Variants in AUTS2 observed in about 807,000 individuals in gnomAD.
AUTS2 encodes activator of transcription and developmental regulator AUTS2, also known as autism susceptibility gene 2 protein.
Under a neutral mutation model 112.4 loss-of-function variants are expected in AUTS2, and 17 were observed. The observed-to-expected ratio is 0.15, with a 90% CI of 0.10 to 0.23. The LOEUF is 0.23. Among genes scored for constraint, AUTS2 ranks in the 10% least tolerant of loss-of-function variants. The pLI is 1.00. For synonymous variants in AUTS2, 751 were observed against 702.7 expected (o/e 1.07, Z -1.09); for missense variants, 1,510 against 1,701.6 (o/e 0.89, Z 1.98).
intron 1 of AUTS2, among the ~76,000 whole-genome samples, chr7:69,646,235 A>C (rs1390063898): frequency 6.6e-6 from 1 of 152,212 alleles, no homozygotes. Flanking sequence ...TTTTTAAAAA[A>C]GCAGGCTGCT....
chr7:70,636,952 T>A (rs1429718218), intron 5 of AUTS2, among the ~76,000 whole-genome samples: 5 of 152,192 alleles, frequency 3.3e-5, no homozygotes, highest in Non-Finnish European at 7.3e-5. Flanking sequence ...CAGAAAGTGC[T>A]TTTTAACTTC....
rs187180871 is a variant in AUTS2, at chr7:70,395,840, G to T, written c.661-39912G>T. ...CTGCACTTAACTCTATTCAACCTCA[G>T]CTTTTCTATCTGAACATCATGTTAG... On this transcript the variant is annotated intron_variant, in intron 4 of 18. Coordinates refer to ENST00000342771, the MANE Select transcript of AUTS2 (RefSeq NM_015570.4). 3.3e-5 allele frequency among the ~76,000 whole-genome samples: 5 copies of T among 152,216 alleles called. No homozygotes were observed. The East Asian group carries it at 9.7e-4, about 29-fold the overall frequency.
chr7:70,194,082 C>T (rs1810043202), intron 4 of AUTS2, among the ~76,000 whole-genome samples: 1 of 152,122 alleles, frequency 6.6e-6, no homozygotes, highest in South Asian at 2.1e-4. Flanking sequence ...GAAAGTGCTG[C>T]GTGTTAGTTT....
Position 70,787,542 on chromosome 7 carries a change from C to G in AUTS2, c.2531+111C>G, listed in dbSNP as rs2293498. The stretch of plus-strand genomic sequence containing the variant: ...TCCCAGCCTCGTGCTTTAGCCGCCC[C>G]GGTAGCCTCAGCTCCTCCCCACAGC... On this transcript the variant is annotated intron_variant, in intron 18 of 18. Coordinates refer to ENST00000342771, the MANE Select transcript of AUTS2 (RefSeq NM_015570.4). The G allele has an allele frequency of 1.4e-4, 105 of 743,812 alleles. 1 individual carries two copies. In the East Asian group the frequency reaches 2.5e-3, roughly 17 times the overall value. 46.1% of individuals were successfully genotyped at this position (743,812 alleles called of 1,614,324 possible).
chr7:70,110,669 A>C (rs1250512726), intron 2 of AUTS2, among the ~76,000 whole-genome samples: 2 of 152,130 alleles, frequency 1.3e-5, no homozygotes, highest in African/African-American at 4.8e-5. Flanking sequence ...GCACAATTTT[A>C]AGTCATTTCC....
At chr7:70,350,705 A>G (rs1022943791) in intron 4 of AUTS2, among the ~76,000 whole-genome samples, 2 of 152,152 alleles carry the variant, frequency 1.3e-5, no homozygotes, top group Non-Finnish European at 2.9e-5. Flanking sequence ...AATTTAACAT[A>G]TCTGTCACCT....
intron 4 of AUTS2, chr7:70,317,021 T>G (rs892472019): frequency 6.6e-6 from 1 of 152,146 alleles, no homozygotes; most frequent in African/African-American, 2.4e-5. Flanking sequence ...GGAAGGGAGT[T>G]TGATGTGTGA....
At chr7:70,320,346 G>A (rs537409859) in intron 4 of AUTS2, among the ~76,000 whole-genome samples, 2 of 152,228 alleles carry the variant, frequency 1.3e-5, no homozygotes, top group South Asian at 2.1e-4. Flanking sequence ...GTATGACTAC[G>A]CAAGCCACCT....
chr7:70,267,154 CT>C (rs1431318051), intron 4 of AUTS2, among the ~76,000 whole-genome samples: 1 of 152,154 alleles, frequency 6.6e-6, no homozygotes, highest in Non-Finnish European at 1.5e-5. Context: ...TTCCTGTTCT[CT>C]TTCAGTTTAA....
chr7:69,849,287 T>A (rs1792353369), intron 1 of AUTS2, among the ~76,000 whole-genome samples: 1 of 152,346 alleles, frequency 6.6e-6, no homozygotes, highest in Non-Finnish European at 1.5e-5. Flanking sequence ...TCTATTACTT[T>A]ATTTTTTGTT....
intron 4 of AUTS2, among the ~76,000 whole-genome samples, chr7:70,179,670 G>T (rs1809192732): frequency 6.6e-6 from 1 of 152,148 alleles, no homozygotes; most frequent in Non-Finnish European, 1.5e-5. Context: ...CAAGATAGGG[G>T]CTCCTTCATG....
intron 4 of AUTS2, among the ~76,000 whole-genome samples, chr7:70,287,553 G>A (rs527987167): frequency 1.4e-3 from 212 of 152,236 alleles, no homozygotes; most frequent in African/African-American, 4.7e-3. Context: ...AGTTTAGAGC[G>A]TTGCTGACCA....
At chr7:69,617,233 TCTC>T (rs1279432616) in intron 1 of AUTS2, among the ~76,000 whole-genome samples, 1 of 152,166 alleles carries the variant, frequency 6.6e-6, no homozygotes, top group East Asian at 1.9e-4. Flanking sequence ...GTTTGCACCA[TCTC>T]CTCATGTATG....
intron 1 of AUTS2, among the ~76,000 whole-genome samples, chr7:69,747,879 C>A (rs538166924): frequency 1.3e-5 from 2 of 151,478 alleles, no homozygotes; most frequent in South Asian, 4.2e-4. Flanking sequence ...CTCTGTTAGG[C>A]CATTTTTTAA....
chr7:70,332,039 A>G (rs748406064), intron 4 of AUTS2, among the ~76,000 whole-genome samples: 10 of 152,206 alleles, frequency 6.6e-5, no homozygotes, highest in Non-Finnish European at 4.4e-5. Flanking sequence ...TTTGCAGATG[A>G]CATGATTGTA....
At chr7:69,921,412 A>C (rs1795807704) in intron 2 of AUTS2, among the ~76,000 whole-genome samples, 1 of 151,392 alleles carries the variant, frequency 6.6e-6, no homozygotes, top group South Asian at 2.1e-4. Context: ...CACGGTGGGA[A>C]ATAGAAGGAG....
At chr7:69,940,615 G>T (rs1375390946) in intron 2 of AUTS2, among the ~76,000 whole-genome samples, 1 of 152,196 alleles carries the variant, frequency 6.6e-6, no homozygotes, top group Non-Finnish European at 1.5e-5. Flanking sequence ...AGGACAAACG[G>T]AGCATTCAAG....
chr7:70,487,852 C>T (rs1368390507), intron 5 of AUTS2, among the ~76,000 whole-genome samples: 1 of 152,154 alleles, frequency 6.6e-6, no homozygotes, highest in Non-Finnish European at 1.5e-5. Context: ...ACTGCATCTG[C>T]CATGAAAGTA....
intron 5 of AUTS2, among the ~76,000 whole-genome samples, chr7:70,567,052 G>A (rs1276388515): frequency 6.6e-6 from 1 of 152,214 alleles, no homozygotes; most frequent in Non-Finnish European, 1.5e-5. Flanking sequence ...TCAAAGATGT[G>A]TATGCCATGT....
Sources: allele counts gnomAD v4.1 joint callset (sites outside exome capture counted in the v4.1 genomes callset), GRCh38; gene constraint gnomAD v4.1.1; transcripts MANE v1.5; gene names NCBI Gene and HGNC (gene_info 2026-07-23, HGNC 2026-07-21).